The following ENTREP1 variants were observed in gnomAD, a reference collection of about 807,000 sequenced individuals.
The protein encoded by ENTREP1 is endosomal transmembrane epsin interactor 1, also known as Friedreich ataxia region gene X123.
the ENTREP1 span, chr9:69,381,049 C>T: frequency 6.6e-6 from 1 of 152,240 alleles, no homozygotes; most frequent in Non-Finnish European, 1.5e-5. Flanking sequence ...GGAGGATTCT[C>T]TGGTCAATGG....
the ENTREP1 span, chr9:69,382,499 C>T: frequency 2.0e-5 from 3 of 152,216 alleles, no homozygotes; most frequent in African/African-American, 7.2e-5. Flanking sequence ...TCATCACCTT[C>T]TGCCTTCCCC....
the ENTREP1 span, chr9:69,383,887 G>A: frequency 6.4e-7 from 1 of 1,565,150 alleles, no homozygotes; most frequent in East Asian, 2.2e-5. Flanking sequence ...GAGTTCACTG[G>A]GTCTAATGAG....
At chr9:69,351,509 C>T in the ENTREP1 span, among the ~76,000 whole-genome samples, 18 of 152,118 alleles carry the variant, frequency 1.2e-4, no homozygotes, top group South Asian at 2.1e-4. Context: ...CTCCACCTCG[C>T]GGGTTCAAGT....
the ENTREP1 span, chr9:69,382,394 C>T: frequency 4.5e-4 from 68 of 152,322 alleles, no homozygotes; most frequent in African/African-American, 1.6e-3. Flanking sequence ...ACCCCTCCCC[C>T]ACGAAGGGAC....
At chr9:69,335,291 G>A in the ENTREP1 span, among the ~76,000 whole-genome samples, 1 of 152,180 alleles carries the variant, frequency 6.6e-6, no homozygotes, top group East Asian at 1.9e-4. Context: ...TTACAATAGA[G>A]TTTTTGGAAA....
At chr9:69,363,615 G>A in the ENTREP1 span, among the ~76,000 whole-genome samples, 4 of 152,148 alleles carry the variant, frequency 2.6e-5, no homozygotes, top group African/African-American at 9.7e-5. Context: ...GTCATGTACA[G>A]AGGACCCCTG....
At chr9:69,324,833 C>T in the ENTREP1 span, 1 of 985,162 alleles carries the variant, frequency 1.0e-6, no homozygotes. Context: ...GAAGGCTCCT[C>T]GCTCTTCTCT....
At chr9:69,388,445 G>C in the ENTREP1 span, 17 of 1,588,790 alleles carry the variant, frequency 1.1e-5, no homozygotes, top group Non-Finnish European at 1.4e-5. Flanking sequence ...CAGTTTTCTA[G>C]AACAGGTAGT....
At chr9:69,350,795 ATGC>A in the ENTREP1 span, among the ~76,000 whole-genome samples, 1 of 152,200 alleles carries the variant, frequency 6.6e-6, no homozygotes, top group South Asian at 2.1e-4. Flanking sequence ...TCATTGCTTG[ATGC>A]CTTTTGTCAC....
At chr9:69,377,845 A>G in the ENTREP1 span, 1 of 1,302,976 alleles carries the variant, frequency 7.7e-7, no homozygotes, top group African/African-American at 1.5e-5. Flanking sequence ...CTTTTCTTTG[A>G]AAAAGAAAAA....
chr9:69,343,363 G>A, the ENTREP1 span, among the ~76,000 whole-genome samples: 1 of 152,184 alleles, frequency 6.6e-6, no homozygotes, highest in East Asian at 1.9e-4. Context: ...ACTTCAGTAA[G>A]GGAGAGCAGC....
At chr9:69,362,753 C>T in the ENTREP1 span, among the ~76,000 whole-genome samples, 19 of 152,142 alleles carry the variant, frequency 1.2e-4, no homozygotes, top group Non-Finnish European at 2.8e-4. Context: ...TGGGCACCAT[C>T]TAATCGCTGC....
chr9:69,371,446 G>A, the ENTREP1 span: 7 of 1,204,778 alleles, frequency 5.8e-6, no homozygotes, highest in African/African-American at 9.0e-5. Context: ...GTAAAACTCT[G>A]TCTGAATTTA....
At chr9:69,364,588 A>G in the ENTREP1 span, among the ~76,000 whole-genome samples, 1 of 152,070 alleles carries the variant, frequency 6.6e-6, no homozygotes, top group African/African-American at 2.4e-5. Flanking sequence ...CATTATAACC[A>G]GGTAAAAGCT....
chr9:69,337,846 G>C, the ENTREP1 span, among the ~76,000 whole-genome samples: 1 of 152,072 alleles, frequency 6.6e-6, no homozygotes, highest in African/African-American at 2.4e-5. Context: ...TTGAAATGGA[G>C]TTAAATAATT....
At chr9:69,391,120 A>T in the ENTREP1 span, among the ~76,000 whole-genome samples, 2 of 152,074 alleles carry the variant, frequency 1.3e-5, no homozygotes, top group African/African-American at 4.8e-5. Flanking sequence ...CCTGGTCCCA[A>T]TCCCAGACCA....
chr9:69,340,773 G>GTA, the ENTREP1 span, among the ~76,000 whole-genome samples: 5 of 143,404 alleles, frequency 3.5e-5, no homozygotes, highest in Admixed American at 6.9e-5. Context: ...ATGTGTGTGT[G>GTA]TGTATGTGTG....
chr9:69,358,052 C>T, the ENTREP1 span, among the ~76,000 whole-genome samples: 13 of 152,264 alleles, frequency 8.5e-5, no homozygotes, highest in Admixed American at 7.8e-4. Flanking sequence ...TGAGGACATA[C>T]GTGTTAAATG....
At chr9:69,330,004 TA>T in the ENTREP1 span, among the ~76,000 whole-genome samples, 167 of 26,124 alleles carry the variant, frequency 6.4e-3, 69 homozygotes, top group Middle Eastern at 0.034. Flanking sequence ...GGGAGTTAAC[TA>T]GGTTCCACTG....
Sources: allele counts gnomAD v4.1 joint callset (sites outside exome capture counted in the v4.1 genomes callset), GRCh38; gene constraint gnomAD v4.1.1; transcripts MANE v1.5; gene names NCBI Gene and HGNC (gene_info 2026-07-23, HGNC 2026-07-21).